DLGAP2: variants seen among roughly 807,000 people sequenced by gnomAD.
The protein encoded by DLGAP2 is DLG associated protein 2.
Under a neutral mutation model 100.3 loss-of-function variants are expected in DLGAP2, and 26 were observed. The observed-to-expected ratio is 0.26, with a 90% confidence interval of 0.19 to 0.36. DLGAP2 has a LOEUF of 0.36. Among genes scored for constraint, DLGAP2 ranks in the 10% least tolerant of loss-of-function variants. DLGAP2 has a pLI of 1.00. For synonymous variants in DLGAP2, 886 were observed against 630.1 expected (o/e 1.41, Z -6.08); for missense variants, 1,858 against 1,453.2 (o/e 1.28, Z -4.53).
chr8:1,571,477 C>G (rs1250862578), intron 6 of DLGAP2, among the ~76,000 whole-genome samples: 1 of 123,262 alleles, frequency 8.1e-6, no homozygotes, highest in Non-Finnish European at 1.6e-5. Flanking sequence ...TGTGGGGTGT[C>G]TGATGAGATG....
At chr8:1,214,505 G>T (rs1476227323) in intron 2 of DLGAP2, among the ~76,000 whole-genome samples, 1 of 152,196 alleles carries the variant, frequency 6.6e-6, no homozygotes, top group East Asian at 1.9e-4. Context: ...GAAACAGAGG[G>T]CAGTGGCCAA....
intron 2 of DLGAP2, among the ~76,000 whole-genome samples, chr8:1,082,791 C>G (rs985946594): frequency 6.6e-6 from 1 of 152,144 alleles, no homozygotes; most frequent in Non-Finnish European, 1.5e-5. Flanking sequence ...TGGAGAGAAT[C>G]AGTGGTGACT....
Position 796,491 on chromosome 8 carries a change from C to T in DLGAP2, c.18+58666C>T, listed in dbSNP as rs572279769. 5.3e-5 allele frequency among the ~76,000 whole-genome samples: 8 copies of T among 152,278 alleles called. No individual in the cohort carries two copies. In the East Asian group the frequency reaches 1.2e-3, roughly 22 times the overall value. On this transcript the variant is annotated intron_variant, in intron 1 of 14. Coordinates refer to ENST00000637795, the MANE Select transcript of DLGAP2 (RefSeq NM_001346810.2). ...ATCTGGAGGTTTGGGTGGGGAGGGG[C>T]AGAGGGTGTGGCCTGCTCTGTTCTC...
chr8:955,202 C>G (rs961634294), intron 2 of DLGAP2, among the ~76,000 whole-genome samples: 1 of 152,036 alleles, frequency 6.6e-6, no homozygotes, highest in African/African-American at 2.4e-5. Context: ...GTTTGCTTCC[C>G]GAAGACTGCG....
intron 1 of DLGAP2, among the ~76,000 whole-genome samples, chr8:815,555 T>C (rs551251253): frequency 6.6e-6 from 1 of 152,368 alleles, no homozygotes; most frequent in South Asian, 2.1e-4. Flanking sequence ...TATTCTGATG[T>C]ATCTCTGTAA....
chr8:1,478,242 T>C (rs1306755425), intron 3 of DLGAP2, among the ~76,000 whole-genome samples: 3 of 152,208 alleles, frequency 2.0e-5, no homozygotes, highest in Non-Finnish European at 4.4e-5. Context: ...CTGGTGGCTT[T>C]CTCTGAACTG....
chr8:1,674,318 T>A (rs1201588711), intron 10 of DLGAP2, among the ~76,000 whole-genome samples: 1 of 152,228 alleles, frequency 6.6e-6, no homozygotes, highest in Non-Finnish European at 1.5e-5. Context: ...GTGCTGGGAT[T>A]ACAGGCATGA....
intron 2 of DLGAP2, among the ~76,000 whole-genome samples, chr8:1,212,723 T>A (rs1356547848): frequency 6.6e-6 from 1 of 151,854 alleles, no homozygotes; most frequent in East Asian, 1.9e-4. Flanking sequence ...TCTTTATTTT[T>A]CCAGTACCTT....
intron 2 of DLGAP2, among the ~76,000 whole-genome samples, chr8:1,208,886 A>G (rs1798049379): frequency 6.6e-6 from 1 of 150,506 alleles, no homozygotes; most frequent in Non-Finnish European, 1.5e-5. Flanking sequence ...ATAAATAAAT[A>G]AATAAATAAA....
chr8:862,919 T>A (rs933572277), intron 1 of DLGAP2, among the ~76,000 whole-genome samples: 1 of 152,210 alleles, frequency 6.6e-6, no homozygotes, highest in African/African-American at 2.4e-5. Context: ...GGAAAATAAA[T>A]CATAGTACTT....
At chr8:849,095 C>A (rs982143264) in intron 1 of DLGAP2, among the ~76,000 whole-genome samples, 1 of 151,274 alleles carries the variant, frequency 6.6e-6, no homozygotes, top group Non-Finnish European at 1.5e-5. Flanking sequence ...GGTGCATGTT[C>A]CAGTATAGGA....
intron 1 of DLGAP2, among the ~76,000 whole-genome samples, chr8:851,282 C>T (rs1233612406): frequency 1.6e-4 from 25 of 152,176 alleles, no homozygotes; most frequent in Admixed American, 1.6e-3. Flanking sequence ...TGAGTACAGT[C>T]TGATGTTCGC....
chr8:877,397 C>G (rs1429637826), intron 1 of DLGAP2, among the ~76,000 whole-genome samples: 1 of 152,140 alleles, frequency 6.6e-6, no homozygotes, highest in African/African-American at 2.4e-5. Flanking sequence ...TGATGTGGCT[C>G]CTTGTTGGGG....
intron 2 of DLGAP2, among the ~76,000 whole-genome samples, chr8:1,112,642 A>C (rs1276524854): frequency 2.6e-5 from 4 of 152,192 alleles, no homozygotes; most frequent in Admixed American, 6.5e-5. Context: ...GTAGTTTGCA[A>C]ATATTTTCTC....
At chr8:940,492 G>A (rs933674861) in intron 2 of DLGAP2, among the ~76,000 whole-genome samples, 5 of 152,112 alleles carry the variant, frequency 3.3e-5, no homozygotes, top group African/African-American at 7.2e-5. Context: ...TGTGGACATC[G>A]TCTGTGAGTG....
chr8:1,269,098 C>T (rs1399258694), intron 3 of DLGAP2, among the ~76,000 whole-genome samples: 2 of 152,206 alleles, frequency 1.3e-5, no homozygotes, highest in Non-Finnish European at 2.9e-5. Context: ...TTCTGGGCTC[C>T]TAAGCAACTG....
intron 3 of DLGAP2, among the ~76,000 whole-genome samples, chr8:1,338,678 C>A (rs1473277386): frequency 6.6e-6 from 1 of 152,210 alleles, no homozygotes; most frequent in Non-Finnish European, 1.5e-5. Context: ...AAACTAAAGA[C>A]ACGATCTGTA....
chr8:886,712 T>C (rs1471878502), intron 1 of DLGAP2, among the ~76,000 whole-genome samples: 1 of 152,244 alleles, frequency 6.6e-6, no homozygotes, highest in Non-Finnish European at 1.5e-5. Context: ...AAGTTCTAAT[T>C]TGATTGCACT....
intron 5 of DLGAP2, among the ~76,000 whole-genome samples, chr8:1,550,939 T>A (rs909425805): frequency 5.3e-5 from 8 of 152,336 alleles, no homozygotes; most frequent in African/African-American, 1.9e-4. Flanking sequence ...AGAGACATCT[T>A]CATGGAGTAA....
Sources: gnomAD v4.1 joint callset for allele counts (sites outside exome capture counted in the v4.1 genomes callset) on GRCh38, gnomAD v4.1.1 for gene constraint, MANE v1.5 for transcripts, NCBI Gene and HGNC (gene_info 2026-07-23, HGNC 2026-07-21) for gene names.